Variants in VSNL1 observed in about 807,000 individuals in gnomAD.
The protein encoded by VSNL1 is visinin-like protein 1.
In VSNL1, 6 loss-of-function variants were observed where a neutral mutation model predicts 20.4. That is an observed-to-expected ratio of 0.29 (90% CI 0.16 to 0.58). The LOEUF (loss-of-function observed/expected upper bound fraction) is 0.58, where lower values mean the gene tolerates loss of function less well. Ranked by LOEUF, VSNL1 falls within the 20% of genes least tolerant of loss-of-function variation. The probability of loss-of-function intolerance (pLI) is 0.90; values close to 1 mark genes in which losing one functional copy is unlikely to be tolerated. For missense variants in VSNL1, 100 were observed against 234.5 expected (o/e 0.43, Z 3.75); for synonymous variants, 93 against 86.4 (o/e 1.08, Z -0.42).
At chr2:17,578,222 C>A (rs1409906178) in intron 1 of VSNL1, among the ~76,000 whole-genome samples, 1 of 152,172 alleles carries the variant, frequency 6.6e-6, no homozygotes, top group East Asian at 1.9e-4. Flanking sequence ...AAGTATCTCA[C>A]CTTGTTTGTC....
chr2:17,616,240 T>C (rs950806723), intron 2 of VSNL1, among the ~76,000 whole-genome samples: 1 of 152,246 alleles, frequency 6.6e-6, no homozygotes. Context: ...CTTGGGAGGC[T>C]GTGGTGACAG....
intron 1 of VSNL1, among the ~76,000 whole-genome samples, chr2:17,548,924 G>C (rs1663461561): frequency 6.6e-6 from 1 of 152,150 alleles, no homozygotes; most frequent in Admixed American, 6.5e-5. Context: ...AAACTTTTCA[G>C]AGCCTCTAGT....
At chr2:17,547,173 G>T (rs1663423271) in intron 1 of VSNL1, among the ~76,000 whole-genome samples, 2 of 151,790 alleles carry the variant, frequency 1.3e-5, no homozygotes. Flanking sequence ...AATTCCCAGG[G>T]CCATAGTTTA....
chr2:17,541,542 A>G (rs1663285025), intron 1 of VSNL1: 1 of 152,202 alleles, frequency 6.6e-6, no homozygotes, highest in Non-Finnish European at 1.5e-5. Flanking sequence ...AAAGGGAAAG[A>G]TGCTCTACTG....
rs577471307 is a variant in VSNL1 at position 17,642,309 on chromosome 2, C to CTTTTTTTTTTTTTTTTTT, written c.163-7084_163-7083insTTTTTTTTTTTTTTTTTT. Among the ~76,000 whole-genome samples the CTTTTTTTTTTTTTTTTTT allele has an allele frequency of 5.2e-3, 486 of 93,172 alleles. 93 individuals are homozygous for CTTTTTTTTTTTTTTTTTT. The highest frequency in any genetic ancestry group is 7.1e-3 in the Non-Finnish European group (314 of 44,232). 61.1% of individuals were successfully genotyped at this position (93,172 alleles called of 152,430 possible). A position where few individuals can be genotyped will look rare whatever the true frequency, so the allele number is the denominator to read the frequency against. On this transcript the variant is annotated intron_variant, in intron 2 of 3. Transcript: ENST00000295156. ...CTGGCTTTTCCCATGGTGAGCATTC[C>CTTTTTTTTTTTTTTTTTT]TTTTTTTTTTTTTTTTTGAGACAGA...
intron 1 of VSNL1, among the ~76,000 whole-genome samples, chr2:17,556,235 G>A (rs1418326317): frequency 1.3e-5 from 2 of 152,156 alleles, no homozygotes; most frequent in Admixed American, 6.6e-5. Flanking sequence ...GAGTCCATAT[G>A]CCAGTGAAAA....
chr2:17,559,308 C>T (rs576963070), intron 1 of VSNL1, among the ~76,000 whole-genome samples: 1 of 151,720 alleles, frequency 6.6e-6, no homozygotes, highest in Non-Finnish European at 1.5e-5. Flanking sequence ...TTGGAGAAAA[C>T]TAGAAGCTTC....
intron 1 of VSNL1, among the ~76,000 whole-genome samples, chr2:17,564,813 A>G (rs1379423185): frequency 1.3e-5 from 2 of 152,230 alleles, no homozygotes; most frequent in Non-Finnish European, 2.9e-5. Flanking sequence ...AATAGTTGCA[A>G]TGAACAAAAA....
At position 17,542,496 on chromosome 2, in the gene VSNL1, A is replaced by T. The variant is rs550204132; in HGVS notation, c.-6+1578A>T. Among the ~76,000 whole-genome samples the T allele has an allele frequency of 2.0e-5, 3 of 152,336 alleles. No homozygotes were observed. In the South Asian group the frequency reaches 6.2e-4, roughly 32 times the overall value. On this transcript the variant is annotated intron_variant, in intron 1 of 3. Transcript: ENST00000295156. ...GCTCTTTGGCCCTTTGATCAGTCCAACCATTTGGAACCCCTCAAAGGAATT... is the reference window on the plus strand; with the variant it reads ...GCTCTTTGGCCCTTTGATCAGTCCATCCATTTGGAACCCCTCAAAGGAATT...
At chr2:17,548,214 A>AC (rs1663445073) in intron 1 of VSNL1, among the ~76,000 whole-genome samples, 1 of 142,128 alleles carries the variant, frequency 7.0e-6, no homozygotes, top group Non-Finnish European at 1.5e-5. Context: ...CATTTCCCCC[A>AC]CCCCCACACA....
intron 2 of VSNL1, among the ~76,000 whole-genome samples, chr2:17,593,411 G>A (rs1204989346): frequency 6.6e-6 from 1 of 151,992 alleles, no homozygotes; most frequent in Non-Finnish European, 1.5e-5. Context: ...AGATTCTAAA[G>A]GAAATAGAAA....
At chr2:17,582,735 T>A (rs1664379791) in intron 1 of VSNL1, among the ~76,000 whole-genome samples, 1 of 151,862 alleles carries the variant, frequency 6.6e-6, no homozygotes, top group East Asian at 2.0e-4. Flanking sequence ...GTTTGCATAG[T>A]ATGTTGAGTT....
intron 2 of VSNL1, among the ~76,000 whole-genome samples, chr2:17,614,158 C>A (rs1665158646): frequency 1.3e-5 from 2 of 152,160 alleles, no homozygotes; most frequent in African/African-American, 4.8e-5. Flanking sequence ...GTGGGCAAGG[C>A]CCTCTGAGGT....
At chr2:17,583,060 A>G (rs761311131) in intron 1 of VSNL1, among the ~76,000 whole-genome samples, 10 of 152,184 alleles carry the variant, frequency 6.6e-5, no homozygotes, top group Admixed American at 5.2e-4. Context: ...TACTGTAGAG[A>G]TAACAACTTA....
rs1163198556 is a variant in VSNL1, at chr2:17,656,813, A to G, written c.*1419A>G. On this transcript the variant is annotated 3_prime_UTR_variant, in exon 4 of 4. Transcript: ENST00000295156. ...GCACATATGGCTACTGAGCACTTCA[A>G]GTATGGCTAGCGTGACTAAGGAACT... 2 of 152,232 alleles carry G rather than the reference A, an allele frequency of 1.3e-5. No homozygotes were observed. Among genetic ancestry groups the G allele is most frequent in the African/African-American group, 4.8e-5 (2 of 41,454 alleles). The allele number at this position is 152,232 out of a possible 1,614,324, so 9.4% of individuals were successfully genotyped here.
At chr2:17,598,048 A>G (rs1022922424) in intron 2 of VSNL1, among the ~76,000 whole-genome samples, 13 of 152,346 alleles carry the variant, frequency 8.5e-5, no homozygotes, top group African/African-American at 2.9e-4. Context: ...TAGGACCAGC[A>G]CCTAAATATT....
intron 1 of VSNL1, among the ~76,000 whole-genome samples, chr2:17,581,868 G>T (rs1664359099): frequency 6.6e-6 from 1 of 152,156 alleles, no homozygotes; most frequent in African/African-American, 2.4e-5. Context: ...TCAGCAGTGG[G>T]CTCTGAACTA....
intron 2 of VSNL1, among the ~76,000 whole-genome samples, chr2:17,603,325 T>A (rs1163752643): frequency 6.6e-6 from 1 of 152,216 alleles, no homozygotes; most frequent in African/African-American, 2.4e-5. Context: ...CATAAATGAC[T>A]CTTTCTTGCT....
At chr2:17,628,380 A>G (rs1242084035) in intron 2 of VSNL1, among the ~76,000 whole-genome samples, 3 of 151,932 alleles carry the variant, frequency 2.0e-5, no homozygotes, top group Non-Finnish European at 4.4e-5. Context: ...AGTGCATGAT[A>G]AAAGCTCAGG....
Sources: gnomAD v4.1 joint callset for allele counts (sites outside exome capture counted in the v4.1 genomes callset) on GRCh38, gnomAD v4.1.1 for gene constraint, MANE v1.5 for transcripts, NCBI Gene and HGNC (gene_info 2026-07-23, HGNC 2026-07-21) for gene names.